Variants in SPEN observed in about 807,000 individuals in gnomAD.
SPEN encodes msx2-interacting protein.
A neutral mutation model predicts 269.9 loss-of-function variants in SPEN; 18 were observed. The ratio of observed to expected loss-of-function variants is 0.07; its 90% CI spans 0.05 to 0.10. The LOEUF is 0.10. SPEN is among the 10% of genes least tolerant of loss of function. The pLI, the probability that SPEN is intolerant of heterozygous loss-of-function variation, is 1.00. For synonymous variants in SPEN, 1,726 were observed against 1,765.7 expected (o/e 0.98, Z 0.56); for missense variants, 3,822 against 4,631.2 (o/e 0.83, Z 5.07).
intron 4 of SPEN, among the ~76,000 whole-genome samples, chr1:15,909,752 T>TATTAGTAG (rs1459911757): frequency 6.6e-6 from 1 of 152,178 alleles, no homozygotes; most frequent in Non-Finnish European, 1.5e-5. Flanking sequence ...AAGTTAAAAC[T>TATTAGTAG]ATTAGTAGAT....
In SPEN at chr1:15,876,222, G is replaced by A. The variant is rs756131351; in HGVS notation, c.425G>A (p.Arg142His). Reference sequence around the variant, plus strand: ...TGCAGGGCTTCAGATAACAGGGAGCGTGCTTATGAACATAGTGCCTATGGA... The same window carrying A: ...TGCAGGGCTTCAGATAACAGGGAGCATGCTTATGAACATAGTGCCTATGGA... ...RLDGASDNRE[R>H]AYEHSAYGHH... is the part of the protein sequence containing the mutation. Residue 142 changes from arginine to histidine, a missense_variant, in exon 3 of 15, where the codon CGT (arginine) becomes CAT (histidine). Arg to His is a conservative substitution (Grantham distance 29, BLOSUM62 0). Coordinates refer to ENST00000375759, the MANE Select transcript of SPEN (RefSeq NM_015001.3). 5 of 1,612,386 alleles carry A rather than the reference G, an allele frequency of 3.1e-6. No homozygotes were observed. The highest frequency in any genetic ancestry group is 2.7e-5 in the African/African-American group (2 of 74,842).
chr1:15,873,103 C>T lies in SPEN; in HGVS notation c.371C>T (p.Ala124Val), dbSNP rs762629530. The change falls in exon 2 of 15, where the codon GCA becomes GTA. Residue 124 changes from alanine to valine, a missense_variant. Around this residue, in one of 16 missense-constraint regions of SPEN, gnomAD observed 327 missense variants for 350.8 expected, o/e 0.93. Coordinates refer to ENST00000375759, the MANE Select transcript of SPEN (RefSeq NM_015001.3). ...TATGGTCCCCCACCGTCACTTCATG[C>T]ACGAGAAGGACGTTATGAGCGGAGA... ...PAYGPPPSLH[A>V]REGRYERRLD... 1.2e-5 allele frequency: 20 copies of T among 1,613,572 alleles called. 1 individual carries two copies. The highest frequency in any genetic ancestry group is 8.9e-5 in the East Asian group (4 of 44,896).
intron 9 of SPEN, among the ~76,000 whole-genome samples, chr1:15,921,316 T>A (rs1320018786): frequency 6.6e-6 from 1 of 152,044 alleles, no homozygotes; most frequent in Non-Finnish European, 1.5e-5. Flanking sequence ...GGTGACAGAG[T>A]AAGACTCCAT....
intron 3 of SPEN, among the ~76,000 whole-genome samples, chr1:15,884,958 T>C (rs2070722883): frequency 2.0e-5 from 3 of 152,128 alleles, no homozygotes; most frequent in Admixed American, 6.6e-5. Context: ...TTCAAATTCC[T>C]GGCCTCAAGT....
intron 3 of SPEN, among the ~76,000 whole-genome samples, chr1:15,901,627 G>C (rs1018914988): frequency 1.4e-5 from 2 of 143,150 alleles, no homozygotes; most frequent in African/African-American, 5.2e-5. Context: ...TCCAGCCTGG[G>C]TGACAAAGTG....
chr1:15,904,204 G>A (rs1045066940), intron 3 of SPEN, among the ~76,000 whole-genome samples: 4 of 152,092 alleles, frequency 2.6e-5, no homozygotes, highest in South Asian at 4.1e-4. Flanking sequence ...GAGGCCGAGC[G>A]CGGTGGCTTA....
At chr1:15,851,740 T>G (rs2070338151) in intron 1 of SPEN, among the ~76,000 whole-genome samples, 1 of 152,266 alleles carries the variant, frequency 6.6e-6, no homozygotes, top group African/African-American at 2.4e-5. Flanking sequence ...ATCCCAGCAC[T>G]TTGGGAGGCC....
Position 15,922,129 on chromosome 1 carries a change from A to G in SPEN, c.1750-120A>G, listed in dbSNP as rs1439543807. The G allele has an allele frequency of 1.0e-5, 7 of 690,154 alleles. No homozygotes were observed. The East Asian group carries it at 1.3e-4, about 13-fold the overall frequency. 42.8% of individuals were successfully genotyped at this position (690,154 alleles called of 1,614,324 possible). ...ATGAGGACTGTTTTACTTGAGATAC[A>G]TTGCTGTTTCCTGAAATTTTCTCAG... On this transcript the variant is annotated intron_variant, in intron 9 of 14. Transcript: ENST00000375759.
At chr1:15,894,736 C>T (rs925991018) in intron 3 of SPEN, among the ~76,000 whole-genome samples, 22 of 151,770 alleles carry the variant, frequency 1.4e-4, no homozygotes, top group Admixed American at 3.9e-4. Context: ...GACGGGGTTT[C>T]ACCATGTTGG....
In SPEN at chr1:15,848,195, G is replaced by A. The variant is rs775725887; in HGVS notation, c.83+45G>A. On this transcript the variant is annotated intron_variant, in intron 1 of 14. Coordinates refer to ENST00000375759, the MANE Select transcript of SPEN (RefSeq NM_015001.3). The surrounding 1 kb of genome is among the most constrained non-coding windows in gnomAD (Gnocchi z 5.1). ...CGGCCGCGCTCGCTCCTCGGGCGCCGCTTCCCGCCCCGGCCCGTTGCCGGC... is the reference window on the plus strand; with the variant it reads ...CGGCCGCGCTCGCTCCTCGGGCGCCACTTCCCGCCCCGGCCCGTTGCCGGC... 3 of 1,359,572 alleles carry A rather than the reference G, an allele frequency of 2.2e-6. No homozygotes were observed. The highest frequency in any genetic ancestry group is 2.8e-5 in the South Asian group (2 of 70,984). 84.2% of individuals were successfully genotyped at this position (1,359,572 alleles called of 1,614,324 possible).
intron 1 of SPEN, among the ~76,000 whole-genome samples, chr1:15,850,191 A>AG (rs1011317381): frequency 8.5e-5 from 13 of 152,094 alleles, no homozygotes; most frequent in Non-Finnish European, 1.5e-4. Context: ...GCACAGAGGG[A>AG]GGAGGGGGCG....
intron 9 of SPEN, among the ~76,000 whole-genome samples, chr1:15,921,582 G>T (rs2071120510): frequency 1.3e-5 from 2 of 152,132 alleles, no homozygotes; most frequent in Non-Finnish European, 1.5e-5. Flanking sequence ...TCGCAGGCTT[G>T]ACCACAGTTA....
chr1:15,921,964 C>A (rs2071123429), intron 9 of SPEN, among the ~76,000 whole-genome samples: 1 of 152,146 alleles, frequency 6.6e-6, no homozygotes, highest in Non-Finnish European at 1.5e-5. Flanking sequence ...TTTAGTTGAT[C>A]TGATTACTTA....
At chr1:15,883,804 A>G (rs1327113201) in intron 3 of SPEN, among the ~76,000 whole-genome samples, 7 of 110,466 alleles carry the variant, frequency 6.3e-5, no homozygotes, top group Non-Finnish European at 1.1e-4. Flanking sequence ...ACAATTTAAG[A>G]TTCTTTTTTT....
chr1:15,898,594 C>G (rs1021628543), intron 3 of SPEN, among the ~76,000 whole-genome samples: 1 of 136,196 alleles, frequency 7.3e-6, no homozygotes, highest in Non-Finnish European at 1.5e-5. Flanking sequence ...GAGTCTCACT[C>G]TGTTGCCCAG....
At position 15,939,932 on chromosome 1, in the gene SPEN, GT is replaced by G. The variant is rs201749633; in HGVS notation, c.*513del. On this transcript the variant is annotated 3_prime_UTR_variant, in exon 15 of 15. Coordinates refer to ENST00000375759, the MANE Select transcript of SPEN (RefSeq NM_015001.3). This position sits in a 1 kb window ranked among gnomAD's most constrained non-coding sequence, Gnocchi z 4.1. Reference sequence around the variant, plus strand: ...CTTGGGGTCAAGGAACATTTCATTGGTTTTTTTTGTCCACCCCCATCTCCCT... The same window carrying G: ...CTTGGGGTCAAGGAACATTTCATTGGTTTTTTTGTCCACCCCCATCTCCCT... 2.6e-5 allele frequency: 6 copies of G among 232,130 alleles called. No homozygotes were observed. Among genetic ancestry groups the G allele is most frequent in the Non-Finnish European group, 5.1e-5 (6 of 117,430 alleles). 14.4% of individuals were successfully genotyped at this position (232,130 alleles called of 1,614,324 possible).
At chr1:15,898,461 A>G (rs774444067) in intron 3 of SPEN, among the ~76,000 whole-genome samples, 27 of 151,694 alleles carry the variant, frequency 1.8e-4, no homozygotes, top group Non-Finnish European at 4.0e-4. Context: ...GAATCATACA[A>G]TCTTTTTTGG....
chr1:15,921,559 A>G (rs1018550666), intron 9 of SPEN, among the ~76,000 whole-genome samples: 4 of 152,342 alleles, frequency 2.6e-5, no homozygotes, highest in African/African-American at 7.2e-5. Context: ...TGATGCTCAC[A>G]CAGACACTCT....
chr1:15,916,387 AT>A, intron 6 of SPEN, 108 bp downstream of exon 6: 1 of 1,197,532 alleles, frequency 8.4e-7, no homozygotes, highest in Admixed American at 2.8e-5. Context: ...ATGAATGAAC[AT>A]TGTTGTGTGC....
Sources: gnomAD v4.1 joint callset for allele counts (sites outside exome capture counted in the v4.1 genomes callset) on GRCh38, gnomAD v4.1.1 for gene constraint, gnomAD v4.1.1 regional missense constraint, Gnocchi (gnomAD v3.1) non-coding constraint, MANE v1.5 for transcripts, NCBI Gene and HGNC (gene_info 2026-07-23, HGNC 2026-07-21) for gene names.